Variants in EXOC6 observed in about 807,000 individuals in gnomAD.
EXOC6 encodes the protein SEC15-like 1.
In EXOC6, 60 loss-of-function variants were observed where a neutral mutation model predicts 112.5. The observed-to-expected ratio is 0.53, with a 90% confidence interval of 0.43 to 0.66. The LOEUF is 0.66. Ranked by LOEUF, EXOC6 falls within the 30% of genes least tolerant of loss-of-function variation. The probability of loss-of-function intolerance (pLI) is 0.00; values close to 1 mark genes in which losing one functional copy is unlikely to be tolerated. For synonymous variants in EXOC6, 295 were observed against 308.0 expected, an observed-to-expected ratio of 0.96 and a Z score of 0.44; for missense variants, 855 against 957.1, an observed-to-expected ratio of 0.89 and a Z score of 1.41.
chr10:92,975,289 T>G (rs1485527077), intron 18 of EXOC6, among the ~76,000 whole-genome samples: 1 of 139,414 alleles, frequency 7.2e-6, no homozygotes, highest in South Asian at 2.4e-4. Flanking sequence ...GCGTCTCTGC[T>G]CGGCCGCCCC....
chr10:92,948,226 A>G, intron 13 of EXOC6, 48 bp from the exon 14 acceptor site: 4 of 1,242,756 alleles, frequency 3.2e-6, no homozygotes, highest in Non-Finnish European at 4.6e-6. Context: ...TTAGTACTCT[A>G]ATAATATGCT....
At chr10:92,954,518 A>G (rs1853585375) in intron 15 of EXOC6, 112 bp from the exon 16 acceptor site, 1 of 523,788 alleles carries the variant, frequency 1.9e-6, no homozygotes, top group Non-Finnish European at 3.3e-6. Context: ...ATTTAAAGAT[A>G]TAAAATAATG....
rs535589765 is a variant in EXOC6, at chr10:92,870,839, A to C, written c.101+22205A>C. Among the ~76,000 whole-genome samples the C allele has an allele frequency of 1.1e-4, 16 of 151,916 alleles. 3 individuals are homozygous for C. The South Asian group carries it at 3.4e-3, about 32-fold the overall frequency. The stretch of plus-strand genomic sequence containing the variant: ...ATTCTCCTGCCTCAGCCTCCTGAGT[A>C]GCTGGGATTACAGGCATGCGCCACC... On this transcript the variant is annotated intron_variant, in intron 1 of 21. Transcript: ENST00000260762.
At chr10:92,841,087 T>A (rs929929893) in intron 1 of EXOC6, among the ~76,000 whole-genome samples, 3 of 152,172 alleles carry the variant, frequency 2.0e-5, no homozygotes, top group African/African-American at 4.8e-5. Context: ...CTTTGAGCAA[T>A]TTTGAAATAC....
At chr10:92,865,744 A>G (rs1269660471) in intron 1 of EXOC6, among the ~76,000 whole-genome samples, 1 of 152,010 alleles carries the variant, frequency 6.6e-6, no homozygotes, top group Non-Finnish European at 1.5e-5. Context: ...TTTGACTCCC[A>G]AAACTTAACT....
Position 92,893,433 on chromosome 10 carries a change from T to C in EXOC6, c.186T>C (p.Ile62=). The C allele has an allele frequency of 6.2e-7, 1 of 1,613,158 alleles. No individual in the cohort carries two copies. Among genetic ancestry groups the C allele is most frequent in the South Asian group, 1.1e-5 (1 of 90,986 alleles). The change falls in exon 2 of 22, where the codon ATT becomes ATC. Residue 62 remains isoleucine, a synonymous_variant. Transcript: ENST00000260762. The part of the protein sequence containing the change: ...DACIRNHDKE[I]EKMCNFHHQG... ...GTATCCGTAATCATGACAAGGAAATTGAAAAGATGTGTAATTTTCATCATC... is the reference window on the plus strand; with the variant it reads ...GTATCCGTAATCATGACAAGGAAATCGAAAAGATGTGTAATTTTCATCATC...
chr10:92,898,928 A>G (rs1194072578), intron 4 of EXOC6, among the ~76,000 whole-genome samples: 1 of 152,200 alleles, frequency 6.6e-6, no homozygotes, highest in African/African-American at 2.4e-5. Flanking sequence ...AAAGGGTAAA[A>G]AGGTTTAAAA....
chr10:92,906,337 C>T (rs1023904191), intron 5 of EXOC6, among the ~76,000 whole-genome samples: 1 of 151,794 alleles, frequency 6.6e-6, no homozygotes, highest in African/African-American at 2.4e-5. Flanking sequence ...TTTTTGTATG[C>T]AGGACGTTAT....
intron 6 of EXOC6, among the ~76,000 whole-genome samples, chr10:92,910,746 G>T (rs867721886): frequency 4.1e-4 from 62 of 152,168 alleles, no homozygotes; most frequent in Middle Eastern, 6.8e-3. Flanking sequence ...TGGCTAACAC[G>T]GTGAAACCCC....
At chr10:92,854,786 T>C (rs1365206278) in intron 1 of EXOC6, among the ~76,000 whole-genome samples, 1 of 152,198 alleles carries the variant, frequency 6.6e-6, no homozygotes, top group Non-Finnish European at 1.5e-5. Flanking sequence ...TTTTTGCATG[T>C]GTATTCATAA....
At chr10:92,859,649 C>G (rs1196035167) in intron 1 of EXOC6, among the ~76,000 whole-genome samples, 2 of 152,088 alleles carry the variant, frequency 1.3e-5, no homozygotes, top group Admixed American at 1.3e-4. Context: ...TGTGGGTTCC[C>G]CAGAAGTCTA....
chr10:92,960,886 T>C (rs1054396154), intron 17 of EXOC6, among the ~76,000 whole-genome samples: 1 of 152,192 alleles, frequency 6.6e-6, no homozygotes, highest in Non-Finnish European at 1.5e-5. Flanking sequence ...CAATATGGTA[T>C]TCCATGATAG....
upstream of EXOC6, among the ~76,000 whole-genome samples, chr10:92,845,567 A>AT (rs1847019923): frequency 6.6e-6 from 1 of 151,822 alleles, no homozygotes; most frequent in African/African-American, 2.4e-5. Context: ...AAAAAAAAAA[A>AT]AAAAAATCAT....
At chr10:92,938,098 G>A (rs1215603650) in intron 12 of EXOC6, among the ~76,000 whole-genome samples, 4 of 152,052 alleles carry the variant, frequency 2.6e-5, no homozygotes, top group Non-Finnish European at 5.9e-5. Flanking sequence ...AATAGTTATT[G>A]GACTGGACTT....
intron 20 of EXOC6, among the ~76,000 whole-genome samples, chr10:93,027,779 A>G (rs1845093465): frequency 6.6e-6 from 1 of 152,234 alleles, no homozygotes; most frequent in Admixed American, 6.5e-5. Flanking sequence ...GGACTTCATC[A>G]CTCAAGAACT....
intron 17 of EXOC6, among the ~76,000 whole-genome samples, chr10:92,960,582 A>G (rs1322902192): frequency 7.6e-6 from 1 of 130,740 alleles, no homozygotes; most frequent in African/African-American, 3.2e-5. Flanking sequence ...AAAATAGTCT[A>G]TTTAAATTGC....
chr10:92,870,933 C>T (rs907349525), intron 1 of EXOC6, among the ~76,000 whole-genome samples: 1 of 152,164 alleles, frequency 6.6e-6, no homozygotes, highest in Non-Finnish European at 1.5e-5. Context: ...TGGTCTCGAT[C>T]TGCTGACCTC....
chr10:92,854,465 G>A (rs1847502436), intron 1 of EXOC6, among the ~76,000 whole-genome samples: 1 of 152,030 alleles, frequency 6.6e-6, no homozygotes, highest in African/African-American at 2.4e-5. Flanking sequence ...ACTATACCAT[G>A]TATTGGTAAG....
In EXOC6 at chr10:92,840,985, ACTGT is replaced by A. The variant is rs147056996; in HGVS notation, c.86+6166_86+6169del. ...TTTATAGGGTATAACGTGACGTTTC[ACTGT>A]CTGTTTACAGTGTAGAATGATTAAA... On this transcript the variant is annotated intron_variant, in intron 1 of 21. Coordinates refer to the EXOC6 transcript ENST00000371552. Among the ~76,000 whole-genome samples, 998 of 152,250 alleles carry A rather than the reference ACTGT, an allele frequency of 6.6e-3. 10 individuals carry two copies. The highest frequency in any genetic ancestry group is 0.054 in the Middle Eastern group (16 of 294).
Sources: gnomAD v4.1 joint callset for allele counts (sites outside exome capture counted in the v4.1 genomes callset) on GRCh38, gnomAD v4.1.1 for gene constraint, MANE v1.5 for transcripts, NCBI Gene and HGNC (gene_info 2026-07-23, HGNC 2026-07-21) for gene names.